BCKDHB: variants seen among roughly 807,000 people sequenced by gnomAD.
The protein encoded by BCKDHB is 2-oxoisovalerate dehydrogenase subunit beta, mitochondrial.
A neutral mutation model predicts 48.5 loss-of-function variants in BCKDHB; 41 were observed. That is an observed-to-expected ratio of 0.85 (90% CI 0.66 to 1.10). The LOEUF (loss-of-function observed/expected upper bound fraction) is 1.10. BCKDHB is among the 50% of genes least tolerant of loss of function. The pLI, the probability that BCKDHB is intolerant of heterozygous loss-of-function variation, is 0.00. For missense variants in BCKDHB, 496 were observed against 494.2 expected, an observed-to-expected ratio of 1.00 and a Z score of -0.03; for synonymous variants, 201 against 174.8, an observed-to-expected ratio of 1.15 and a Z score of -1.18.
intron 6 of BCKDHB, among the ~76,000 whole-genome samples, chr6:80,197,358 G>A (rs1445494207): frequency 1.3e-5 from 2 of 151,754 alleles, no homozygotes; most frequent in African/African-American, 4.9e-5. Flanking sequence ...TAATGTTTAA[G>A]CAAATCTAAG....
intron 3 of BCKDHB, among the ~76,000 whole-genome samples, chr6:80,136,348 C>A (rs187591549): frequency 6.6e-6 from 1 of 152,014 alleles, no homozygotes; most frequent in East Asian, 1.9e-4. Flanking sequence ...GATGCCAATA[C>A]CATTCAACAG....
At chr6:80,206,577 G>A in intron 8 of BCKDHB, among the ~76,000 whole-genome samples, 1 of 150,746 alleles carries the variant, frequency 6.6e-6, no homozygotes, top group Non-Finnish European at 1.5e-5. Flanking sequence ...GTACATGTAT[G>A]TATATGGATC....
chr6:80,442,570 G>A, the BCKDHB span, among the ~76,000 whole-genome samples: 1 of 152,102 alleles, frequency 6.6e-6, no homozygotes, highest in Non-Finnish European at 1.5e-5. Flanking sequence ...TTTGGAAGAT[G>A]AAGAATGTGA....
At chr6:80,431,170 C>T in the BCKDHB span, among the ~76,000 whole-genome samples, 56 of 152,306 alleles carry the variant, frequency 3.7e-4, 1 homozygote, top group Admixed American at 3.3e-3. Flanking sequence ...TTTGATTGCA[C>T]TGTGGACTGA....
chr6:80,242,870 G>T (rs1359691472), intron 8 of BCKDHB, among the ~76,000 whole-genome samples: 2 of 152,106 alleles, frequency 1.3e-5, no homozygotes, highest in Non-Finnish European at 2.9e-5. Context: ...TAAAAATTGG[G>T]TAGGTTTCCA....
At chr6:80,133,482 A>T (rs118110788) in intron 3 of BCKDHB, among the ~76,000 whole-genome samples, 2 of 152,182 alleles carry the variant, frequency 1.3e-5, no homozygotes, top group African/African-American at 4.8e-5. Context: ...CCTCATCAAC[A>T]TTGCATTCCA....
intron 3 of BCKDHB, among the ~76,000 whole-genome samples, chr6:80,144,854 A>G (rs1771401197): frequency 6.6e-6 from 1 of 152,286 alleles, no homozygotes; most frequent in African/African-American, 2.4e-5. Context: ...TAAGGGAGCA[A>G]CAGCCAAGTT....
chr6:80,357,865 A>G, the BCKDHB span, among the ~76,000 whole-genome samples: 1 of 152,174 alleles, frequency 6.6e-6, no homozygotes, highest in South Asian at 2.1e-4. Flanking sequence ...CTGTTTGCCA[A>G]CTTACATCTC....
At chr6:80,149,634 A>C (rs1291121020) in intron 3 of BCKDHB, among the ~76,000 whole-genome samples, 1 of 151,356 alleles carries the variant, frequency 6.6e-6, no homozygotes, top group Non-Finnish European at 1.5e-5. Context: ...TACACCATGG[A>C]ATACTATGCA....
At chr6:80,113,562 C>T (rs567777747) in intron 1 of BCKDHB, among the ~76,000 whole-genome samples, 1 of 152,310 alleles carries the variant, frequency 6.6e-6, no homozygotes, top group African/African-American at 2.4e-5. Context: ...AAAAAGCATT[C>T]CCCTGTATGG....
chr6:80,167,784 A>T lies in BCKDHB; in HGVS notation c.450A>T (p.Ala150=). ...CTGCCATTGCGGAAATTCAGTTTGCAGATTATATTTTCCCTGCATTTGATC... is the reference window on the plus strand; with the variant it reads ...CTGCCATTGCGGAAATTCAGTTTGCTGATTATATTTTCCCTGCATTTGATC... ...GATAIAEIQF[A]DYIFPAFDQI... is the part of the protein sequence containing the mutation. Residue 150 remains alanine (A), a synonymous_variant, in exon 4 of 10, where the codon GCA becomes GCT. Transcript: ENST00000320393. 1 of 1,613,958 alleles carries T rather than the reference A, an allele frequency of 6.2e-7. No individual in the cohort carries two copies. The highest frequency in any genetic ancestry group is 1.1e-5 in the South Asian group (1 of 91,068).
At chr6:80,181,497 A>G (rs1050423716) in intron 6 of BCKDHB, among the ~76,000 whole-genome samples, 2 of 152,218 alleles carry the variant, frequency 1.3e-5, no homozygotes, top group African/African-American at 4.8e-5. Context: ...TAGGCCGGTC[A>G]CAGCTCAGCA....
At chr6:80,342,652 G>A (rs934257658) in intron 9 of BCKDHB, among the ~76,000 whole-genome samples, 3 of 151,652 alleles carry the variant, frequency 2.0e-5, no homozygotes, top group South Asian at 2.1e-4. Flanking sequence ...AAAGGAAGGC[G>A]TCGGTGATGT....
the BCKDHB span, chr6:80,356,049 T>C: frequency 6.6e-6 from 1 of 152,210 alleles, no homozygotes; most frequent in South Asian, 2.1e-4. Context: ...CTCACAGCTG[T>C]TCATCAGACA....
chr6:80,329,234 A>G (rs924594463), intron 9 of BCKDHB, among the ~76,000 whole-genome samples: 1 of 152,196 alleles, frequency 6.6e-6, no homozygotes, highest in African/African-American at 2.4e-5. Context: ...TGGGCATTTT[A>G]GTATTACTCC....
chr6:80,170,193 A>T (rs1007362476), intron 5 of BCKDHB, among the ~76,000 whole-genome samples: 3 of 152,180 alleles, frequency 2.0e-5, no homozygotes, highest in Non-Finnish European at 2.9e-5. Context: ...CCAGAACAGA[A>T]AATAAAATTT....
chr6:80,293,286 C>A (rs1022960039), intron 9 of BCKDHB, among the ~76,000 whole-genome samples: 4 of 152,228 alleles, frequency 2.6e-5, no homozygotes, highest in Non-Finnish European at 5.9e-5. Flanking sequence ...TTCCACACAT[C>A]CTCTGAAATC....
intron 8 of BCKDHB, among the ~76,000 whole-genome samples, chr6:80,208,844 G>A (rs9294172): frequency 0.65 from 99,304 of 151,632 alleles, 33,361 homozygotes; most frequent in African/African-American, 0.8. Context: ...TCTCTAAAAT[G>A]TAGTCCTTAT....
chr6:80,217,651 T>C (rs1435583438), intron 8 of BCKDHB, among the ~76,000 whole-genome samples: 1 of 152,224 alleles, frequency 6.6e-6, no homozygotes, highest in East Asian at 1.9e-4. Context: ...ACACAGCCAC[T>C]TTTAACCATT....
Sources: allele counts gnomAD v4.1 joint callset (sites outside exome capture counted in the v4.1 genomes callset), GRCh38; gene constraint gnomAD v4.1.1; transcripts MANE v1.5; gene names NCBI Gene and HGNC (gene_info 2026-07-23, HGNC 2026-07-21).